DNAH1: variants seen among roughly 807,000 people sequenced by gnomAD.
The protein encoded by DNAH1 is dynein axonemal heavy chain 1.
Under a neutral mutation model 484.3 loss-of-function variants are expected in DNAH1, and 327 were observed. The observed-to-expected ratio is 0.68, with a 90% CI of 0.62 to 0.74. The LOEUF (loss-of-function observed/expected upper bound fraction) is 0.74. Ranked by LOEUF, DNAH1 falls within the 30% of genes least tolerant of loss-of-function variation. The pLI is 0.00. For missense variants in DNAH1, 5,052 were observed against 5,546.8 expected (o/e 0.91, Z 2.83); for synonymous variants, 2,192 against 2,191.9 (o/e 1.00, Z 0.00).
chr3:52,356,805 A>C (rs758338562), intron 22 of DNAH1, 27 bp downstream of exon 22: 17 of 1,573,962 alleles, frequency 1.1e-5, no homozygotes, highest in Non-Finnish European at 1.5e-5. Flanking sequence ...TGGGAGGGGC[A>C]GCTGGGATCC....
chr3:52,320,685 T>C (rs984370220), intron 1 of DNAH1, among the ~76,000 whole-genome samples: 37 of 152,134 alleles, frequency 2.4e-4, no homozygotes, highest in African/African-American at 8.2e-4. Context: ...CTTGGCTCTT[T>C]GTCTCAGTGT....
Position 52,369,842 on chromosome 3 carries a change from C to G in DNAH1, c.5961C>G (p.Phe1987Leu), listed in dbSNP as rs61753444. ...GGCACCAGGCAATGACCATGATGTTCGAGGTGCAAGACCTGGCGGTGGCTT... is the reference window on the plus strand; with the variant it reads ...GGCACCAGGCAATGACCATGATGTTGGAGGTGCAAGACCTGGCGGTGGCTT... ...IKLTEAMTMM[F>L]EVQDLAVASP... is the part of the protein sequence containing the mutation. Residue 1987 changes from phenylalanine to leucine, a missense_variant, in exon 38 of 78, where the codon TTC becomes TTG. Transcript: ENST00000420323. 6.2e-7 allele frequency: 1 copy of G among 1,609,416 alleles called. No homozygotes were observed. The highest frequency in any genetic ancestry group is 8.5e-7 in the Non-Finnish European group (1 of 1,176,564).
chr3:52,381,582 C>CGGGGAGACCCTACAGTAAG lies in DNAH1; in HGVS notation c.7609-57_7609-39dup. The CGGGGAGACCCTACAGTAAG allele has an allele frequency of 1.4e-6, 2 of 1,477,000 alleles. No individual in the cohort carries two copies. The highest frequency in any genetic ancestry group is 1.8e-6 in the Non-Finnish European group (2 of 1,093,190). The allele number at this position is 1,477,000 out of a possible 1,614,324, so 91.5% of individuals were successfully genotyped here. A position where few individuals can be genotyped will look rare whatever the true frequency, so the allele number is the denominator to read the frequency against. The stretch of plus-strand genomic sequence containing the variant: ...AAGAAAGCGGGTGGGTGGGGGGAAT[C>CGGGGAGACCCTACAGTAAG]GGGGAGACCCTACAGTAAGAGAGAC... On this transcript the variant is annotated intron_variant, in intron 48 of 77. Coordinates refer to ENST00000420323, the MANE Select transcript of DNAH1 (RefSeq NM_015512.5). This position sits in a 1 kb window ranked among gnomAD's most constrained non-coding sequence, Gnocchi z 4.1.
In DNAH1 at chr3:52,389,529, C is replaced by G; in HGVS notation, c.9564C>G (p.Thr3188=). Residue 3188 remains threonine, a synonymous_variant, in exon 60 of 78, where the codon ACC becomes ACG. Transcript: ENST00000420323. ...TCAGGAGCCACAATGTCCCACACAC[C>G]TCCGAGCCCACGCTAATCGGGACGC... The part of the protein sequence containing the change: ...KQLRSHNVPH[T]SEPTLIGTLG... The G allele has an allele frequency of 6.3e-7, 1 of 1,587,058 alleles. No homozygotes were observed. Among genetic ancestry groups the G allele is most frequent in the Non-Finnish European group, 8.6e-7 (1 of 1,166,958 alleles).
intron 8 of DNAH1, among the ~76,000 whole-genome samples, chr3:52,333,377 T>C (rs1701623487): frequency 7.2e-6 from 1 of 138,136 alleles, no homozygotes; most frequent in Non-Finnish European, 1.5e-5. Context: ...TCCTTTTCTT[T>C]TCTTTCTTTC....
At chr3:52,374,910 A>G in intron 44 of DNAH1, 1 of 908,058 alleles carries the variant, frequency 1.1e-6, no homozygotes, top group Non-Finnish European at 1.8e-6. Flanking sequence ...AGTGACATGA[A>G]AACGTCCAGG....
In DNAH1 at chr3:52,381,869, C is replaced by T. The variant is rs1382079054; in HGVS notation, c.7805+33C>T. 4 of 1,545,354 alleles carry T rather than the reference C, an allele frequency of 2.6e-6. No individual in the cohort carries two copies. Among genetic ancestry groups the T allele is most frequent in the South Asian group, 2.4e-5 (2 of 83,744 alleles). On this transcript the variant is annotated intron_variant, in intron 49 of 77. Transcript: ENST00000420323. The surrounding 1 kb of genome is among the most constrained non-coding windows in gnomAD (Gnocchi z 4.1). ...CCTCCAGGGCGTGCTGGGCAGTGGG[C>T]GGCCAGGGCTGGCTGGTCGGTTTGA...
Position 52,380,011 on chromosome 3 carries a change from G to A in DNAH1, c.7484G>A (p.Arg2495His), listed in dbSNP as rs183867998. ...DRSWFDQLLK[R>H]CMEQWEVTFN... is the part of the protein sequence containing the mutation. ...AGCTGGTTCGACCAGCTCCTCAAGC[G>A]CTGCATGGAGCAGTGGGAGGTGACC... is the stretch of plus-strand genomic sequence containing the variant. Residue 2495 changes from arginine (R) to histidine (H), a missense_variant, in exon 48 of 78, where the codon CGC becomes CAC. This residue lies in a region of DNAH1 where 2,929 missense variants were observed against 3,409.4 expected (regional missense o/e 0.86). Transcript: ENST00000420323. The A allele has an allele frequency of 3.3e-5, 52 of 1,593,788 alleles. No homozygotes were observed. The highest frequency in any genetic ancestry group is 3.3e-4 in the Middle Eastern group (2 of 6,044).
intron 12 of DNAH1, among the ~76,000 whole-genome samples, chr3:52,348,310 C>T (rs1445435349): frequency 6.6e-6 from 1 of 152,166 alleles, no homozygotes; most frequent in Admixed American, 6.5e-5. Context: ...GCGATCTGAA[C>T]CCTGGGCTTG....
At chr3:52,327,627 G>A (rs1701394069) in intron 5 of DNAH1, among the ~76,000 whole-genome samples, 1 of 152,192 alleles carries the variant, frequency 6.6e-6, no homozygotes, top group African/African-American at 2.4e-5. Context: ...AGGTGGCTTG[G>A]CTGGATGGGG....
chr3:52,394,718 G>A, intron 67 of DNAH1, 57 bp downstream of exon 67: 3 of 1,527,542 alleles, frequency 2.0e-6, no homozygotes, highest in Middle Eastern at 1.8e-4. Context: ...GAGTCCCTAG[G>A]AAAGGCTTGT....
intron 1 of DNAH1, among the ~76,000 whole-genome samples, chr3:52,319,255 G>T (rs1309879815): frequency 2.6e-5 from 4 of 152,220 alleles, no homozygotes; most frequent in African/African-American, 7.2e-5. Flanking sequence ...GTCAAGTGGG[G>T]TTGAGTGTCA....
chr3:52,364,632 C>G lies in DNAH1; in HGVS notation c.5245-6C>G, dbSNP rs756408623. 1 of 1,613,896 alleles carries G rather than the reference C, an allele frequency of 6.2e-7. No homozygotes were observed. The highest frequency in any genetic ancestry group is 8.5e-7 in the Non-Finnish European group (1 of 1,179,860). On this transcript the variant is annotated splice_region_variant and splice_polypyrimidine_tract_variant and intron_variant, in intron 32 of 77. Transcript: ENST00000420323. This position sits in a 1 kb window ranked among gnomAD's most constrained non-coding sequence, Gnocchi z 4.2. Reference sequence around the variant, plus strand: ...CTCACCCATGCCTCCTTCTGTATGGCGACAGGATCACTATGACTTCGGGAT... The same window carrying G: ...CTCACCCATGCCTCCTTCTGTATGGGGACAGGATCACTATGACTTCGGGAT...
rs1396070382 is a variant in DNAH1, at chr3:52,388,583, G to A, written c.9337G>A (p.Glu3113Lys). 1.2e-6 allele frequency: 2 copies of A among 1,612,454 alleles called. No individual in the cohort carries two copies. The highest frequency in any genetic ancestry group is 1.7e-5 in the Admixed American group (1 of 59,876). ...GCTGGAGCTGAAGTGTGAGCAGTGT[G>A]AGCAGCGGCTGGGCCGAGCTGGCAA... Reference protein sequence around the residue: ...EELELKCEQCEQRLGRAGKLI... With the variant: ...EELELKCEQCKQRLGRAGKLI... Residue 3113 changes from glutamate to lysine, a missense_variant, in exon 58 of 78, where the codon GAG (glutamate) becomes AAG (lysine). Physicochemically the swap from Glu to Lys is moderately conservative, Grantham distance 56. Transcript: ENST00000420323.
intron 48 of DNAH1, 108 bp downstream of exon 48, chr3:52,380,243 C>T (rs1703785812): frequency 4.1e-6 from 4 of 983,320 alleles, no homozygotes; most frequent in Non-Finnish European, 6.0e-6. Flanking sequence ...ACACTATAAC[C>T]AGGGGGCCAG....
chr3:52,393,510 G>A, intron 66 of DNAH1, 25 bp downstream of exon 66: 1 of 1,612,532 alleles, frequency 6.2e-7, no homozygotes, highest in Non-Finnish European at 8.5e-7. Flanking sequence ...ACCCAGGACA[G>A]ACTGCCTGAG....
Position 52,369,811 on chromosome 3 carries a change from C to G in DNAH1, c.5944-14C>G. On this transcript the variant is annotated splice_polypyrimidine_tract_variant and intron_variant, in intron 37 of 77. Transcript: ENST00000420323. ...TGGCAGCCAGCCCACTCATTTGGTT[C>G]GTCTTGGCACCAGGCAATGACCATG... 1 of 1,589,998 alleles carries G rather than the reference C, an allele frequency of 6.3e-7. No homozygotes were observed. Among genetic ancestry groups the G allele is most frequent in the African/African-American group, 1.3e-5 (1 of 74,646 alleles).
chr3:52,387,437 A>C (rs1011138562), intron 56 of DNAH1, among the ~76,000 whole-genome samples: 3 of 152,012 alleles, frequency 2.0e-5, no homozygotes, highest in Admixed American at 1.3e-4. Context: ...CCCAGAAATT[A>C]GCTAGGGGGC....
intron 34 of DNAH1, among the ~76,000 whole-genome samples, chr3:52,365,392 C>G (rs1395239702): frequency 6.6e-6 from 1 of 152,238 alleles, no homozygotes; most frequent in Non-Finnish European, 1.5e-5. Context: ...CACCACTCAC[C>G]TCTTCCAGAG....
Sources: allele counts gnomAD v4.1 joint callset (sites outside exome capture counted in the v4.1 genomes callset), GRCh38; gene constraint gnomAD v4.1.1; regional missense constraint gnomAD v4.1.1; non-coding constraint Gnocchi (gnomAD v3.1); transcripts MANE v1.5; gene names NCBI Gene and HGNC (gene_info 2026-07-23, HGNC 2026-07-21).